PRELID2: variants seen among roughly 807,000 people sequenced by gnomAD.
PRELID2 encodes PRELI domain-containing protein 2.
A neutral mutation model predicts 28.4 loss-of-function variants in PRELID2; 25 were observed. That is an observed-to-expected ratio of 0.88 (90% CI 0.64 to 1.23). The LOEUF (loss-of-function observed/expected upper bound fraction) is 1.23, where lower values mean the gene tolerates loss of function less well. PRELID2 is among the 50% of genes most tolerant of loss of function. The probability of loss-of-function intolerance (pLI) is 0.00; values close to 1 mark genes in which losing one functional copy is unlikely to be tolerated. For missense variants in PRELID2, 201 were observed against 214.4 expected, an observed-to-expected ratio of 0.94 and a Z score of 0.39; for synonymous variants, 76 against 71.6, an observed-to-expected ratio of 1.06 and a Z score of -0.31.
At chr5:145,462,510 C>A in the PRELID2 span, among the ~76,000 whole-genome samples, 2 of 152,196 alleles carry the variant, frequency 1.3e-5, no homozygotes, top group African/African-American at 2.4e-5. Context: ...TCAGAAACAT[C>A]TAAGTCATTT....
chr5:145,279,506 A>G, the PRELID2 span, among the ~76,000 whole-genome samples: 1 of 152,162 alleles, frequency 6.6e-6, no homozygotes. Context: ...AATCGCCTCT[A>G]TGTGGTAATG....
intron 1 of PRELID2, among the ~76,000 whole-genome samples, chr5:145,557,643 C>A (rs1752891193): frequency 6.6e-6 from 1 of 152,176 alleles, no homozygotes; most frequent in African/African-American, 2.4e-5. Flanking sequence ...GGAGTCAGAT[C>A]TTAATCTATA....
chr5:145,325,048 A>G, the PRELID2 span, among the ~76,000 whole-genome samples: 1 of 152,190 alleles, frequency 6.6e-6, no homozygotes, highest in African/African-American at 2.4e-5. Flanking sequence ...GTAATCAACA[A>G]ATTCAGTCAT....
chr5:145,401,688 A>G, the PRELID2 span, among the ~76,000 whole-genome samples: 1 of 152,196 alleles, frequency 6.6e-6, no homozygotes, highest in Non-Finnish European at 1.5e-5. Flanking sequence ...CTTTGGTCAA[A>G]TGATTGCTCA....
At chr5:145,548,625 T>C (rs1372523151) in intron 1 of PRELID2, among the ~76,000 whole-genome samples, 3 of 152,176 alleles carry the variant, frequency 2.0e-5, no homozygotes, top group African/African-American at 7.2e-5. Context: ...TAAATCTCTG[T>C]GGTTGATAGC....
intron 1 of PRELID2, among the ~76,000 whole-genome samples, chr5:145,548,286 TTTCCTG>T (rs1164387488): frequency 2.0e-5 from 3 of 152,192 alleles, no homozygotes; most frequent in Admixed American, 2.0e-4. Flanking sequence ...AATACAAATA[TTTCCTG>T]TTCCCTGGGC....
the PRELID2 span, among the ~76,000 whole-genome samples, chr5:145,292,236 T>G: frequency 9.2e-5 from 14 of 152,174 alleles, no homozygotes; most frequent in Non-Finnish European, 2.1e-4. Flanking sequence ...ATACATATTA[T>G]GAATTTTAAA....
At chr5:145,801,545 G>A (rs1448015887) in intron 4 of PRELID2, among the ~76,000 whole-genome samples, 5 of 152,072 alleles carry the variant, frequency 3.3e-5, no homozygotes, top group South Asian at 2.1e-4. Flanking sequence ...ACCCAGTATC[G>A]TAACAATGTA....
At chr5:145,357,456 T>C in the PRELID2 span, among the ~76,000 whole-genome samples, 1 of 152,320 alleles carries the variant, frequency 6.6e-6, no homozygotes, top group Non-Finnish European at 1.5e-5. Flanking sequence ...TTTTTCTTTA[T>C]TTTTGCCTGC....
chr5:145,778,541 G>GA (rs1758564375), intron 5 of PRELID2, among the ~76,000 whole-genome samples: 1 of 152,182 alleles, frequency 6.6e-6, no homozygotes, highest in Non-Finnish European at 1.5e-5. Flanking sequence ...CCGCCAAGCT[G>GA]AAACAGTTAC....
intron 1 of PRELID2, among the ~76,000 whole-genome samples, chr5:145,692,566 A>G (rs1380543219): frequency 6.6e-6 from 1 of 152,192 alleles, no homozygotes. Context: ...CATTTTGTCT[A>G]ACAATGTTAA....
At chr5:145,334,891 A>C in the PRELID2 span, among the ~76,000 whole-genome samples, 17 of 148,592 alleles carry the variant, frequency 1.1e-4, no homozygotes, top group African/African-American at 4.2e-4. Flanking sequence ...AAGTTGCTTT[A>C]CTCTTCCTGC....
intron 1 of PRELID2, among the ~76,000 whole-genome samples, chr5:145,692,468 T>C (rs1490172503): frequency 6.6e-6 from 1 of 152,086 alleles, no homozygotes; most frequent in African/African-American, 2.4e-5. Flanking sequence ...CTGGAGCCTT[T>C]CTCCAGGAAT....
rs576191244 is a variant in PRELID2 at position 145,610,981 on chromosome 5, T to C, written n.71-137666A>G. ...AAAGAAATATATTTCTTTATATATT[T>C]ATAATATATAAATTAATATATAATA... On this transcript the variant is annotated intron_variant and non_coding_transcript_variant, in intron 1 of 2. Transcript: ENST00000510259. Among the ~76,000 whole-genome samples, 113 of 148,120 alleles carry C rather than the reference T, an allele frequency of 7.6e-4. 2 individuals are homozygous for C. The highest frequency in any genetic ancestry group is 2.7e-3 in the African/African-American group (112 of 40,922).
chr5:145,657,226 GTACATAATTACAC>G (rs1261101558), intron 1 of PRELID2, among the ~76,000 whole-genome samples: 1 of 152,056 alleles, frequency 6.6e-6, no homozygotes, highest in African/African-American at 2.4e-5. Context: ...AAGGATTCTG[GTACATAATTACAC>G]TATTCTTTCC....
chr5:145,657,641 C>CA (rs1280691423), intron 1 of PRELID2, among the ~76,000 whole-genome samples: 3 of 151,932 alleles, frequency 2.0e-5, no homozygotes, highest in African/African-American at 7.3e-5. Context: ...GCCAAGATCG[C>CA]ACAACTGCAC....
At chr5:145,740,297 TATATATATATATATATATATATAA>T (rs1277108138) in intron 1 of PRELID2, among the ~76,000 whole-genome samples, 2 of 95,976 alleles carry the variant, frequency 2.1e-5, no homozygotes, top group African/African-American at 8.3e-5. Flanking sequence ...TATATATATA[TATATATATATATATATATATATAA>T]ATCCTAAATG....
intron 1 of PRELID2, among the ~76,000 whole-genome samples, chr5:145,480,945 A>G (rs533731894): frequency 5.8e-4 from 88 of 152,306 alleles, no homozygotes; most frequent in Middle Eastern, 6.8e-3. Flanking sequence ...GTTCTATTTC[A>G]CTGAGATGCC....
downstream of PRELID2, among the ~76,000 whole-genome samples, chr5:145,466,967 C>G (rs2126599781): frequency 6.6e-6 from 1 of 152,182 alleles, no homozygotes; most frequent in East Asian, 1.9e-4. Context: ...ATGTTACCAG[C>G]ACTAGATCAA....
Sources: allele counts gnomAD v4.1 joint callset (sites outside exome capture counted in the v4.1 genomes callset), GRCh38; gene constraint gnomAD v4.1.1; transcripts MANE v1.5; gene names NCBI Gene and HGNC (gene_info 2026-07-23, HGNC 2026-07-21).